The following BACE2 variants were observed in gnomAD, a reference collection of about 807,000 sequenced individuals.
BACE2 encodes beta-secretase 2.
A neutral mutation model predicts 46.2 loss-of-function variants in BACE2; 17 were observed. The ratio of observed to expected loss-of-function variants is 0.37; its 90% CI spans 0.25 to 0.55. The LOEUF is 0.55. BACE2 is among the 20% of genes least tolerant of loss of function. The pLI is 0.82. For missense variants in BACE2, 595 were observed against 698.1 expected, an observed-to-expected ratio of 0.85 and a Z score of 1.66; for synonymous variants, 277 against 295.9, an observed-to-expected ratio of 0.94 and a Z score of 0.66.
intron 2 of BACE2, among the ~76,000 whole-genome samples, chr21:41,231,006 G>A (rs1296364860): frequency 6.6e-6 from 1 of 152,068 alleles, no homozygotes; most frequent in Non-Finnish European, 1.5e-5. Flanking sequence ...CCTTACTTCT[G>A]TACTATATCC....
intron 1 of BACE2, among the ~76,000 whole-genome samples, chr21:41,217,791 C>T (rs1383597039): frequency 6.6e-6 from 1 of 152,236 alleles, no homozygotes; most frequent in Non-Finnish European, 1.5e-5. Flanking sequence ...GGCCTGGAGG[C>T]CGGCAAGCCT....
chr21:41,240,905 A>G (rs1254878675), intron 3 of BACE2, among the ~76,000 whole-genome samples: 1 of 152,210 alleles, frequency 6.6e-6, no homozygotes, highest in Admixed American at 6.5e-5. Flanking sequence ...CGGATAGTAA[A>G]TAATCATTCC....
intron 4 of BACE2, among the ~76,000 whole-genome samples, chr21:41,242,653 A>C (rs528454279): frequency 6.6e-6 from 1 of 152,186 alleles, no homozygotes; most frequent in Non-Finnish European, 1.5e-5. Context: ...ATTTTGCACA[A>C]TGAAGCTTTG....
At chr21:41,198,070 C>T (rs1334609913) in intron 1 of BACE2, among the ~76,000 whole-genome samples, 1 of 152,144 alleles carries the variant, frequency 6.6e-6, no homozygotes, top group African/African-American at 2.4e-5. Flanking sequence ...CGGCTCACTG[C>T]AGCCTCTGCC....
intron 3 of BACE2, among the ~76,000 whole-genome samples, chr21:41,238,954 TAAAAAAAA>T (rs34474586): frequency 8.2e-5 from 7 of 85,658 alleles, no homozygotes; most frequent in Non-Finnish European, 1.3e-4. Context: ...AAAGTATAAT[TAAAAAAAA>T]AAAAAAAAAA....
At chr21:41,231,798 T>A (rs145079007) in intron 2 of BACE2, among the ~76,000 whole-genome samples, 1 of 152,302 alleles carries the variant, frequency 6.6e-6, no homozygotes, top group East Asian at 1.9e-4. Context: ...TCTTGCTCCA[T>A]GTATTTAATT....
chr21:41,196,808 G>A (rs1258119678), intron 1 of BACE2, among the ~76,000 whole-genome samples: 3 of 152,216 alleles, frequency 2.0e-5, no homozygotes, highest in Non-Finnish European at 4.4e-5. Context: ...TTCGTTGACG[G>A]TGACACACTG....
intron 1 of BACE2, among the ~76,000 whole-genome samples, chr21:41,210,501 A>C (rs1351569093): frequency 6.6e-6 from 1 of 152,152 alleles, no homozygotes; most frequent in African/African-American, 2.4e-5. Context: ...TTCTCATGGC[A>C]CAGCGTCTTC....
intron 1 of BACE2, chr21:41,178,928 G>T: frequency 5.1e-6 from 2 of 393,522 alleles, no homozygotes; most frequent in Non-Finnish European, 8.8e-6. Flanking sequence ...ATTGGTGAAA[G>T]AATCCTGCTT....
chr21:41,221,902 C>T (rs917899642), intron 1 of BACE2, among the ~76,000 whole-genome samples: 4 of 151,320 alleles, frequency 2.6e-5, no homozygotes, highest in African/African-American at 9.7e-5. Context: ...GCACGGCAGA[C>T]AGAGCAGCAA....
At chr21:41,262,075 G>C (rs2123636952) in intron 8 of BACE2, among the ~76,000 whole-genome samples, 1 of 152,184 alleles carries the variant, frequency 6.6e-6, no homozygotes, top group East Asian at 1.9e-4. Flanking sequence ...AATAATATTT[G>C]CTAAATATCA....
intron 1 of BACE2, chr21:41,179,449 G>T (rs1238364761): frequency 1.5e-6 from 2 of 1,330,224 alleles, no homozygotes; most frequent in Non-Finnish European, 9.9e-7. Context: ...TGTCCAGGGT[G>T]AGTGAGGGTG....
chr21:41,185,548 T>G (rs1026529773), intron 1 of BACE2, among the ~76,000 whole-genome samples: 2 of 152,232 alleles, frequency 1.3e-5, no homozygotes, highest in Non-Finnish European at 2.9e-5. Flanking sequence ...TGCAATTGGC[T>G]ATTAGGAAAA....
At chr21:41,274,556 G>A (rs1372739173) in intron 8 of BACE2, among the ~76,000 whole-genome samples, 1 of 152,090 alleles carries the variant, frequency 6.6e-6, no homozygotes, top group African/African-American at 2.4e-5. Flanking sequence ...TCCTGAAAGG[G>A]GCAGAGAAGC....
chr21:41,217,739 G>A (rs1986516757), intron 1 of BACE2, among the ~76,000 whole-genome samples: 1 of 152,246 alleles, frequency 6.6e-6, no homozygotes, highest in African/African-American at 2.4e-5. Flanking sequence ...TAAGCTGGAT[G>A]CAAAGAAGGT....
chr21:41,222,275 A>G lies in BACE2; in HGVS notation c.313-3991A>G, dbSNP rs1041190967. Reference sequence around the variant, plus strand: ...GTGTCTGCTGTCACTGTTATGTGAAAGGTGTGGTGTTATGGGAGGGAAAGG... The same window carrying G: ...GTGTCTGCTGTCACTGTTATGTGAAGGGTGTGGTGTTATGGGAGGGAAAGG... On this transcript the variant is annotated intron_variant, in intron 1 of 8. Transcript: ENST00000330333. Among the ~76,000 whole-genome samples the G allele has an allele frequency of 7.9e-5, 12 of 152,330 alleles. No individual in the cohort carries two copies. The South Asian group carries it at 2.3e-3, about 29-fold the overall frequency.
chr21:41,204,795 A>C (rs544732294), intron 1 of BACE2, among the ~76,000 whole-genome samples: 1 of 152,242 alleles, frequency 6.6e-6, no homozygotes, highest in Non-Finnish European at 1.5e-5. Context: ...GCATTCTTTC[A>C]AAATATCTGG....
At chr21:41,252,263 G>C (rs567624525) in intron 7 of BACE2, among the ~76,000 whole-genome samples, 1 of 152,170 alleles carries the variant, frequency 6.6e-6, no homozygotes, top group East Asian at 1.9e-4. Flanking sequence ...CCAACCCTCT[G>C]CTGGGTGGCC....
chr21:41,251,853 A>C (rs117504953), intron 7 of BACE2, among the ~76,000 whole-genome samples: 2,707 of 152,202 alleles, frequency 0.018, 36 homozygotes, highest in Non-Finnish European at 0.03. Context: ...AAGAAAAACT[A>C]GATTGCCCAA....
Sources: allele counts gnomAD v4.1 joint callset (sites outside exome capture counted in the v4.1 genomes callset), GRCh38; gene constraint gnomAD v4.1.1; transcripts MANE v1.5; gene names NCBI Gene and HGNC (gene_info 2026-07-23, HGNC 2026-07-21).